The following SKI variants were observed in gnomAD, a reference collection of about 807,000 sequenced individuals.
SKI encodes the protein SKI proto-oncogene.
Under a neutral mutation model 59.3 loss-of-function variants are expected in SKI, and 23 were observed. The ratio of observed to expected loss-of-function variants is 0.39; its 90% CI spans 0.28 to 0.55. SKI has a LOEUF of 0.55. Ranked by LOEUF, SKI falls within the 20% of genes least tolerant of loss-of-function variation. SKI has a pLI of 0.67. For synonymous variants in SKI, 673 were observed against 488.6 expected, an observed-to-expected ratio of 1.38 and a Z score of -4.98; for missense variants, 1,017 against 1,038.9, an observed-to-expected ratio of 0.98 and a Z score of 0.29.
intron 1 of SKI, among the ~76,000 whole-genome samples, chr1:2,275,873 C>A (rs1243520818): frequency 6.6e-6 from 1 of 152,046 alleles, no homozygotes; most frequent in Non-Finnish European, 1.5e-5. Context: ...GAGTCCTTGG[C>A]AGGCCCCGTT....
intron 1 of SKI, among the ~76,000 whole-genome samples, chr1:2,298,092 G>A (rs1411460196): frequency 2.6e-5 from 4 of 152,188 alleles, no homozygotes; most frequent in African/African-American, 9.7e-5. Context: ...GCTTGGTGGT[G>A]GCCCCTGGAC....
rs1329171770 is a variant in SKI, at chr1:2,305,707, T to C, written c.1768-313T>C. On this transcript the variant is annotated intron_variant, in intron 5 of 6. Coordinates refer to ENST00000378536, the MANE Select transcript of SKI (RefSeq NM_003036.4). ...CACATTGATGGGAGCCAGGGCCTAC[T>C]TGGCTTGCTGCCCCCAAGGGGAACG... 1.2e-3 allele frequency among the ~76,000 whole-genome samples: 184 copies of C among 152,290 alleles called. 2 individuals carry two copies. Among genetic ancestry groups the C allele is most frequent in the Non-Finnish European group, 2.2e-4 (15 of 68,008 alleles).
At position 2,308,586 on chromosome 1, in the gene SKI, C is replaced by G. The variant is rs1172234413; in HGVS notation, c.*1821C>G. ...GCAACATGCAGAATGCTGTTTTTAG[C>G]CTTGTTTTACCAGAGTTGTTTTTTT... On this transcript the variant is annotated 3_prime_UTR_variant, in exon 7 of 7. Transcript: ENST00000378536. 2 of 152,072 alleles carry G rather than the reference C, an allele frequency of 1.3e-5. No individual in the cohort carries two copies. The highest frequency in any genetic ancestry group is 1.9e-4 in the East Asian group (1 of 5,200). 9.4% of individuals were successfully genotyped at this position (152,072 alleles called of 1,614,324 possible). A position where few individuals can be genotyped will look rare whatever the true frequency, so the allele number is the denominator to read the frequency against.
chr1:2,239,036 G>A (rs1184214961), intron 1 of SKI, among the ~76,000 whole-genome samples: 1 of 152,158 alleles, frequency 6.6e-6, no homozygotes, highest in Non-Finnish European at 1.5e-5. Flanking sequence ...CAGTGCCTTC[G>A]CTCTGCCTCA....
chr1:2,291,233 T>C (rs1640156303), intron 1 of SKI, among the ~76,000 whole-genome samples: 1 of 152,228 alleles, frequency 6.6e-6, no homozygotes, highest in Non-Finnish European at 1.5e-5. Context: ...GAACGATACA[T>C]TCGCCCCAGT....
At position 2,303,786 on chromosome 1, in the gene SKI, C is replaced by G; in HGVS notation, c.1212-54C>G. On this transcript the variant is annotated intron_variant, in intron 3 of 6. Coordinates refer to ENST00000378536, the MANE Select transcript of SKI (RefSeq NM_003036.4). This position sits in a 1 kb window ranked among gnomAD's most constrained non-coding sequence, Gnocchi z 5.6. ...AGAGGGGGTGTGCGCCAGGATGTGTCTGGGTGGTGCTTGGGGACAGAGGCA... is the reference window on the plus strand; with the variant it reads ...AGAGGGGGTGTGCGCCAGGATGTGTGTGGGTGGTGCTTGGGGACAGAGGCA... 3 of 1,603,856 alleles carry G rather than the reference C, an allele frequency of 1.9e-6. 1 individual carries two copies. The highest frequency in any genetic ancestry group is 2.6e-6 in the Non-Finnish European group (3 of 1,176,008).
rs1261315201 is a variant in SKI, at chr1:2,306,863, C to T, written c.*98C>T. ...CCCGGCTCCGCCCCTGCAGCCCACA[C>T]AGCACAACGTCTTACCGTGCCTATT... On this transcript the variant is annotated 3_prime_UTR_variant, in exon 7 of 7. Transcript: ENST00000378536. The T allele has an allele frequency of 1.6e-5, 13 of 815,686 alleles. No homozygotes were observed. Among genetic ancestry groups the T allele is most frequent in the Non-Finnish European group, 2.2e-5 (13 of 599,748 alleles). The allele number at this position is 815,686 out of a possible 1,614,324, so 50.5% of individuals were successfully genotyped here.
At chr1:2,264,959 C>T (rs1318021696) in intron 1 of SKI, among the ~76,000 whole-genome samples, 1 of 151,962 alleles carries the variant, frequency 6.6e-6, no homozygotes, top group Non-Finnish European at 1.5e-5. Flanking sequence ...TACAGGCACC[C>T]GCCACCACGC....
At chr1:2,287,446 C>T (rs1190209246) in intron 1 of SKI, among the ~76,000 whole-genome samples, 1 of 151,536 alleles carries the variant, frequency 6.6e-6, no homozygotes, top group African/African-American at 2.4e-5. Flanking sequence ...ACGCCATTCT[C>T]CTGCCTCAGC....
rs142034447 is a variant in SKI, at chr1:2,305,175, C to T, written c.1767+590C>T. 8.9e-3 allele frequency among the ~76,000 whole-genome samples: 1,363 copies of T among 152,352 alleles called. 14 individuals carry two copies. Among genetic ancestry groups the T allele is most frequent in the South Asian group, 0.029 (142 of 4,832 alleles). On this transcript the variant is annotated intron_variant, in intron 5 of 6. Transcript: ENST00000378536. Reference sequence around the variant, plus strand: ...CCTGCACACGCTGCTTCTCTGGGCTCTGCCTCACGGTTCTCACGCTGCAGC... The same window carrying T: ...CCTGCACACGCTGCTTCTCTGGGCTTTGCCTCACGGTTCTCACGCTGCAGC...
At chr1:2,259,131 C>T (rs547289440) in intron 1 of SKI, among the ~76,000 whole-genome samples, 1 of 152,302 alleles carries the variant, frequency 6.6e-6, no homozygotes, top group South Asian at 2.1e-4. Context: ...CATGGTGGCT[C>T]CTCCGGAACC....
chr1:2,277,067 G>A (rs1324366587), intron 1 of SKI, among the ~76,000 whole-genome samples: 1 of 152,204 alleles, frequency 6.6e-6, no homozygotes, highest in East Asian at 1.9e-4. Flanking sequence ...TGGGGCTGTA[G>A]GAAGGGGTCT....
At chr1:2,273,373 A>C (rs549676876) in intron 1 of SKI, among the ~76,000 whole-genome samples, 1 of 152,168 alleles carries the variant, frequency 6.6e-6, no homozygotes, top group Admixed American at 6.5e-5. Flanking sequence ...TGGGGTCCCT[A>C]TCCTGGTCAG....
intron 1 of SKI, among the ~76,000 whole-genome samples, chr1:2,248,606 TG>T (rs1372890589): frequency 6.6e-6 from 1 of 152,176 alleles, no homozygotes; most frequent in Non-Finnish European, 1.5e-5. Context: ...CGCTCTGCGC[TG>T]GTTCAGAAAA....
chr1:2,283,218 G>A (rs948758499), intron 1 of SKI, among the ~76,000 whole-genome samples: 1 of 152,234 alleles, frequency 6.6e-6, no homozygotes, highest in African/African-American at 2.4e-5. Flanking sequence ...TATGGGTGAG[G>A]CTGTCTGCTT....
rs1640707084 is a variant in SKI, at chr1:2,309,887, A to G, written c.*3122A>G. 1 of 109,860 alleles carries G rather than the reference A, an allele frequency of 9.1e-6. No individual in the cohort carries two copies. Among genetic ancestry groups the G allele is most frequent in the African/African-American group, 3.7e-5 (1 of 27,192 alleles). 6.8% of individuals were successfully genotyped at this position (109,860 alleles called of 1,614,324 possible). Reference sequence around the variant, plus strand: ...CCCCCCACCCCTCCCTCAGCCCACCAGGGTCCAGGGAGATGTTCGTTCTCG... The same window carrying G: ...CCCCCCACCCCTCCCTCAGCCCACCGGGGTCCAGGGAGATGTTCGTTCTCG... On this transcript the variant is annotated 3_prime_UTR_variant, in exon 7 of 7. Transcript: ENST00000378536.
At chr1:2,288,846 C>T (rs1334091439) in intron 1 of SKI, among the ~76,000 whole-genome samples, 1 of 152,114 alleles carries the variant, frequency 6.6e-6, no homozygotes. Flanking sequence ...CCTTTGATCC[C>T]CTCTTCCAAA....
chr1:2,229,693 G>A lies in SKI; in HGVS notation c.927G>A (p.Glu309=), dbSNP rs1344462329. ...GCCGCTGCCTGGACGACGTGAAGGA[G>A]AAATTCGACTATGGCAACAAGTACA... The part of the protein sequence containing the change: ...RLGRCLDDVK[E]KFDYGNKYKR... Residue 309 remains glutamate (E), a synonymous_variant, in exon 1 of 7, where the codon GAG becomes GAA. Transcript: ENST00000378536. The surrounding 1 kb of genome is among the most constrained non-coding windows in gnomAD (Gnocchi z 6.3). The A allele has an allele frequency of 1.9e-6, 3 of 1,597,222 alleles. No individual in the cohort carries two copies. The highest frequency in any genetic ancestry group is 2.6e-6 in the Non-Finnish European group (3 of 1,172,942).
At chr1:2,253,197 A>C (rs1280812361) in intron 1 of SKI, among the ~76,000 whole-genome samples, 1 of 152,176 alleles carries the variant, frequency 6.6e-6, no homozygotes, top group African/African-American at 2.4e-5. Context: ...ACCCGCCTGC[A>C]GCGCAGCCTC....
Sources: gnomAD v4.1 joint callset for allele counts (sites outside exome capture counted in the v4.1 genomes callset) on GRCh38, gnomAD v4.1.1 for gene constraint, Gnocchi (gnomAD v3.1) non-coding constraint, MANE v1.5 for transcripts, NCBI Gene and HGNC (gene_info 2026-07-23, HGNC 2026-07-21) for gene names.